Variants in GALNTL6 observed in about 807,000 individuals in gnomAD.
GALNTL6 encodes the protein polypeptide N-acetylgalactosaminyltransferase like 6, also known as polypeptide N-acetylgalactosaminyltransferase-like 6.
In GALNTL6, 46 loss-of-function variants were observed where a neutral mutation model predicts 73.7. That is an observed-to-expected ratio of 0.62 (90% CI 0.49 to 0.80). GALNTL6 has a LOEUF of 0.80. Ranked by LOEUF, GALNTL6 falls within the 30% of genes least tolerant of loss-of-function variation. The pLI is 0.00. For synonymous variants in GALNTL6, 259 were observed against 263.7 expected, an observed-to-expected ratio of 0.98 and a Z score of 0.17; for missense variants, 604 against 755.0, an observed-to-expected ratio of 0.80 and a Z score of 2.34.
rs1561083837 is a variant in GALNTL6, at chr4:173,009,312, AGCCAGG to A, written c.1488+21_1488+26del. ...ATGAACAGGTGAGTCACCTCCCAGA[AGCCAGG>A]GCAGTGGGAACCAGTCGGGGGCTGA... On this transcript the variant is annotated intron_variant, in intron 11 of 12. Transcript: ENST00000506823. 6 of 1,502,888 alleles carry A rather than the reference AGCCAGG, an allele frequency of 4.0e-6. No individual in the cohort carries two copies. In the East Asian group the frequency reaches 1.4e-4, roughly 34 times the overall value. The allele number at this position is 1,502,888 out of a possible 1,614,324, so 93.1% of individuals were successfully genotyped here. A position where few individuals can be genotyped will look rare whatever the true frequency, so the allele number is the denominator to read the frequency against.
intron 4 of GALNTL6, among the ~76,000 whole-genome samples, chr4:172,324,474 A>G (rs1036601365): frequency 6.6e-6 from 1 of 151,648 alleles, no homozygotes; most frequent in African/African-American, 2.4e-5. Context: ...CTATAAACAC[A>G]TATTTTGGAA....
chr4:172,388,627 A>G (rs1743555167), intron 5 of GALNTL6, among the ~76,000 whole-genome samples: 1 of 152,104 alleles, frequency 6.6e-6, no homozygotes, highest in Admixed American at 6.6e-5. Context: ...CTTCAACTAA[A>G]TTGTAATTTG....
chr4:172,227,059 A>G (rs977107032), intron 2 of GALNTL6, among the ~76,000 whole-genome samples: 1 of 152,130 alleles, frequency 6.6e-6, no homozygotes, highest in Non-Finnish European at 1.5e-5. Flanking sequence ...ATCCCTGGAA[A>G]TCTTTTGCTG....
intron 2 of GALNTL6, among the ~76,000 whole-genome samples, chr4:172,084,004 A>C (rs1463564089): frequency 6.6e-6 from 1 of 152,210 alleles, no homozygotes; most frequent in African/African-American, 2.4e-5. Flanking sequence ...AATAGGATTC[A>C]AAATAAGTCA....
rs539530175 is a variant in GALNTL6, at chr4:172,968,807, A to G, written c.1371+16549A>G. On this transcript the variant is annotated intron_variant, in intron 10 of 12. Transcript: ENST00000506823. The stretch of plus-strand genomic sequence containing the variant: ...ATTTTTTTAATACTTCACAGTAACA[A>G]CAGAGAAGAGAGCCCTACACAAGAA... Among the ~76,000 whole-genome samples, 24 of 152,328 alleles carry G rather than the reference A, an allele frequency of 1.6e-4. No homozygotes were observed. In the South Asian group the frequency reaches 4.3e-3, roughly 28 times the overall value.
At chr4:172,745,929 T>C (rs1737085718) in intron 5 of GALNTL6, among the ~76,000 whole-genome samples, 2 of 152,146 alleles carry the variant, frequency 1.3e-5, no homozygotes, top group Non-Finnish European at 2.9e-5. Context: ...CAAAATTTCA[T>C]GGGTTTTGGA....
At chr4:172,220,305 G>T (rs192844552) in intron 2 of GALNTL6, among the ~76,000 whole-genome samples, 1 of 151,778 alleles carries the variant, frequency 6.6e-6, no homozygotes, top group Non-Finnish European at 1.5e-5. Context: ...ATGAATGAGG[G>T]CTTCCTTCTA....
At chr4:172,850,829 A>C (rs1034785481) in intron 7 of GALNTL6, among the ~76,000 whole-genome samples, 2 of 152,140 alleles carry the variant, frequency 1.3e-5, no homozygotes, top group Non-Finnish European at 2.9e-5. Context: ...TTACCCATTT[A>C]TCATAAAGGA....
intron 2 of GALNTL6, among the ~76,000 whole-genome samples, chr4:172,124,519 T>C (rs1733243128): frequency 6.6e-6 from 1 of 152,120 alleles, no homozygotes; most frequent in African/African-American, 2.4e-5. Flanking sequence ...TCAAAATAAA[T>C]AAAGTACATG....
chr4:172,578,229 CT>C (rs1242546072), intron 5 of GALNTL6, among the ~76,000 whole-genome samples: 2 of 152,098 alleles, frequency 1.3e-5, no homozygotes, highest in Non-Finnish European at 2.9e-5. Flanking sequence ...CCAAGGATGA[CT>C]TTAAATATTT....
chr4:172,008,648 C>T (rs1314063439), intron 2 of GALNTL6, among the ~76,000 whole-genome samples: 2 of 152,050 alleles, frequency 1.3e-5, no homozygotes, highest in African/African-American at 2.4e-5. Flanking sequence ...TCCTCAAAAC[C>T]GTTTTGTTTC....
Position 172,166,101 on chromosome 4 carries a change from A to G in GALNTL6, c.139-63555A>G, listed in dbSNP as rs1307756579. ...TAAATGCAAATATTATGTGTTCGTA[A>G]TATGGCTTGAGCATGAAAATAGAGG... On this transcript the variant is annotated intron_variant, in intron 2 of 12. Coordinates refer to ENST00000506823, the MANE Select transcript of GALNTL6 (RefSeq NM_001034845.3). Among the ~76,000 whole-genome samples the G allele has an allele frequency of 2.0e-5, 3 of 152,232 alleles. No individual in the cohort carries two copies. In the East Asian group the frequency reaches 5.8e-4, roughly 29 times the overall value.
intron 2 of GALNTL6, among the ~76,000 whole-genome samples, chr4:172,139,253 T>A (rs954819777): frequency 5.3e-5 from 8 of 152,222 alleles, no homozygotes; most frequent in African/African-American, 4.8e-5. Flanking sequence ...GCTCACTGTT[T>A]ATGCCCTTAA....
chr4:172,190,149 C>A (rs1735530688), intron 2 of GALNTL6, among the ~76,000 whole-genome samples: 1 of 152,128 alleles, frequency 6.6e-6, no homozygotes, highest in Admixed American at 6.6e-5. Context: ...TCCCTCCCTG[C>A]TATCTCTCTT....
At chr4:172,574,253 T>A (rs1481859211) in intron 5 of GALNTL6, among the ~76,000 whole-genome samples, 1 of 152,082 alleles carries the variant, frequency 6.6e-6, no homozygotes, top group Non-Finnish European at 1.5e-5. Context: ...TTGTAGTGTT[T>A]AAATTAATTT....
chr4:172,489,559 G>A (rs1421153774), intron 5 of GALNTL6, among the ~76,000 whole-genome samples: 4 of 152,182 alleles, frequency 2.6e-5, no homozygotes, highest in Non-Finnish European at 5.9e-5. Context: ...CAATAAATAT[G>A]ACTAGGCAAA....
At chr4:172,837,989 T>C (rs986770867) in intron 7 of GALNTL6, among the ~76,000 whole-genome samples, 1 of 152,216 alleles carries the variant, frequency 6.6e-6, no homozygotes, top group Non-Finnish European at 1.5e-5. Context: ...TCAGTGCAAC[T>C]GTTTTTTATT....
chr4:172,808,968 A>T (rs1204662403), intron 5 of GALNTL6, among the ~76,000 whole-genome samples: 1 of 152,232 alleles, frequency 6.6e-6, no homozygotes, highest in Non-Finnish European at 1.5e-5. Context: ...AATACTAGGC[A>T]AAGCCTTGCT....
chr4:172,829,833 T>G (rs1057240898), intron 7 of GALNTL6, among the ~76,000 whole-genome samples: 10 of 152,204 alleles, frequency 6.6e-5, no homozygotes, highest in Non-Finnish European at 1.5e-4. Flanking sequence ...CCAGTTTTAT[T>G]TGAGAAATTC....
Sources: allele counts gnomAD v4.1 joint callset (sites outside exome capture counted in the v4.1 genomes callset), GRCh38; gene constraint gnomAD v4.1.1; transcripts MANE v1.5; gene names NCBI Gene and HGNC (gene_info 2026-07-23, HGNC 2026-07-21).